The following PPARGC1B variants were observed in gnomAD, a reference collection of about 807,000 sequenced individuals.
The protein encoded by PPARGC1B is PPARG coactivator 1 beta, also known as peroxisome proliferator-activated receptor gamma coactivator 1-beta.
Under a neutral mutation model 101.6 loss-of-function variants are expected in PPARGC1B, and 34 were observed. The ratio of observed to expected loss-of-function variants is 0.33; its 90% CI spans 0.25 to 0.45. The LOEUF is 0.45. PPARGC1B is among the 20% of genes least tolerant of loss of function. The pLI, the probability that PPARGC1B is intolerant of heterozygous loss-of-function variation, is 1.00. For synonymous variants in PPARGC1B, 548 were observed against 539.3 expected, an observed-to-expected ratio of 1.02 and a Z score of -0.22; for missense variants, 1,234 against 1,317.6, an observed-to-expected ratio of 0.94 and a Z score of 0.98.
chr5:149,743,946 G>A (rs1316430315), intron 1 of PPARGC1B, among the ~76,000 whole-genome samples: 1 of 152,206 alleles, frequency 6.6e-6, no homozygotes, highest in Non-Finnish European at 1.5e-5. Flanking sequence ...TATCTGCAGG[G>A]AGGTGTCTGG....
At chr5:149,766,599 A>AAT (rs1561511803) in intron 1 of PPARGC1B, among the ~76,000 whole-genome samples, 1 of 152,152 alleles carries the variant, frequency 6.6e-6, no homozygotes, top group South Asian at 2.1e-4. Flanking sequence ...TCTCAACCAA[A>AAT]ATATCTGTCC....
At position 149,802,431 on chromosome 5, in the gene PPARGC1B, C is replaced by T. The variant is rs562217801; in HGVS notation, c.79-18002C>T. Among the ~76,000 whole-genome samples, 143 of 152,108 alleles carry T rather than the reference C, an allele frequency of 9.4e-4. 1 individual carries two copies. Among genetic ancestry groups the T allele is most frequent in the Admixed American group, 5.9e-4 (9 of 15,282 alleles). ...TTTCTTCTTGACTTCCTCTCCTCTC[C>T]TCCTTTCCCTCTGCTCCCACCCTGT... On this transcript the variant is annotated intron_variant, in intron 1 of 11. Transcript: ENST00000309241.
intron 1 of PPARGC1B, chr5:149,772,060 G>T (rs756369396): frequency 2.2e-4 from 336 of 1,554,896 alleles, no homozygotes; most frequent in Admixed American, 5.1e-4. Context: ...CTGTGCACAG[G>T]TGGGGACCTC....
chr5:149,792,160 AG>A (rs1442835567), intron 1 of PPARGC1B, among the ~76,000 whole-genome samples: 2 of 152,182 alleles, frequency 1.3e-5, no homozygotes, highest in Admixed American at 6.5e-5. Context: ...GGGACTGGTC[AG>A]GATGTTTGGA....
Position 149,854,720 on chromosome 5 carries a change from TGTCTTA to T in PPARGC1B, c.*7163_*7168del, listed in dbSNP as rs1335724275. On this transcript the variant is annotated 3_prime_UTR_variant, in exon 12 of 12. Transcript: ENST00000309241. ...TATTTTATTTCTGGTGTGATTTCTC[TGTCTTA>T]CCTTCTAAATGAGAAAATGTTTTCT... 1 of 152,222 alleles carries T rather than the reference TGTCTTA, an allele frequency of 6.6e-6. No individual in the cohort carries two copies. The highest frequency in any genetic ancestry group is 2.4e-5 in the African/African-American group (1 of 41,460). The allele number at this position is 152,222 out of a possible 1,614,324, so 9.4% of individuals were successfully genotyped here.
intron 1 of PPARGC1B, among the ~76,000 whole-genome samples, chr5:149,759,124 T>A (rs1480805608): frequency 1.3e-5 from 2 of 152,222 alleles, no homozygotes; most frequent in African/African-American, 4.8e-5. Context: ...TCTTTATGAC[T>A]TTTTCATTTA....
chr5:149,828,911 T>G, intron 3 of PPARGC1B, among the ~76,000 whole-genome samples: 1 of 149,952 alleles, frequency 6.7e-6, no homozygotes. Flanking sequence ...ATTAGCCCGG[T>G]ATGGTGGCAC....
intron 2 of PPARGC1B, among the ~76,000 whole-genome samples, chr5:149,824,143 G>A (rs374235308): frequency 4.6e-5 from 7 of 152,326 alleles, no homozygotes; most frequent in Admixed American, 2.6e-4. Context: ...TAGCGTGTGC[G>A]CCACGCATTT....
chr5:149,758,932 A>G (rs770294202), intron 1 of PPARGC1B, among the ~76,000 whole-genome samples: 3 of 152,218 alleles, frequency 2.0e-5, no homozygotes, highest in Non-Finnish European at 4.4e-5. Context: ...TTTTTTAACT[A>G]TAAAATGAAA....
chr5:149,795,687 G>A (rs539870757), intron 1 of PPARGC1B, among the ~76,000 whole-genome samples: 4 of 152,304 alleles, frequency 2.6e-5, no homozygotes, highest in Admixed American at 2.6e-4. Context: ...TGAGGTCACA[G>A]CATCTTGAGG....
At chr5:149,818,993 C>T (rs751834821) in intron 1 of PPARGC1B, 2 of 406,760 alleles carry the variant, frequency 4.9e-6, no homozygotes, top group Admixed American at 2.7e-5. Context: ...CTGTGTCAGC[C>T]CCCCAACTCA....
At chr5:149,782,528 G>T (rs1391155598) in intron 1 of PPARGC1B, among the ~76,000 whole-genome samples, 1 of 152,184 alleles carries the variant, frequency 6.6e-6, no homozygotes, top group Non-Finnish European at 1.5e-5. Context: ...ACGGCTGACA[G>T]ATCCCCAGAT....
At chr5:149,768,916 A>G (rs1756020873) in intron 1 of PPARGC1B, among the ~76,000 whole-genome samples, 1 of 152,116 alleles carries the variant, frequency 6.6e-6, no homozygotes, top group Non-Finnish European at 1.5e-5. Context: ...CAGCCTCCCA[A>G]AGTGCTGGGA....
In PPARGC1B at chr5:149,835,352, C is replaced by T; in HGVS notation, c.1794C>T (p.Leu598=). The T allele has an allele frequency of 3.7e-6, 6 of 1,614,176 alleles. No individual in the cohort carries two copies. The highest frequency in any genetic ancestry group is 5.1e-6 in the Non-Finnish European group (6 of 1,180,004). Residue 598 remains leucine (L), a synonymous_variant, in exon 7 of 12, where the codon CTC becomes CTT. Coordinates refer to ENST00000309241, the MANE Select transcript of PPARGC1B (RefSeq NM_133263.4). ...KSFEQTLTVE[L]CGTAGLTPPT... Reference sequence around the variant, plus strand: ...TTGAGCAGACCTTGACAGTGGAGCTCTGTGGCACAGCAGGTGAGCCAGGGG... The same window carrying T: ...TTGAGCAGACCTTGACAGTGGAGCTTTGTGGCACAGCAGGTGAGCCAGGGG...
chr5:149,784,097 T>C (rs1756696064), intron 1 of PPARGC1B, among the ~76,000 whole-genome samples: 2 of 151,976 alleles, frequency 1.3e-5, no homozygotes, highest in Admixed American at 1.3e-4. Context: ...GAGGTCTTTA[T>C]TGCATCACCC....
At chr5:149,840,415 T>C (rs1192049054) in intron 9 of PPARGC1B, among the ~76,000 whole-genome samples, 3 of 151,972 alleles carry the variant, frequency 2.0e-5, no homozygotes, top group Non-Finnish European at 2.9e-5. Context: ...GAGAGCCAAG[T>C]GGGCGGGCTG....
At chr5:149,783,828 A>G (rs1756685596) in intron 1 of PPARGC1B, among the ~76,000 whole-genome samples, 1 of 152,172 alleles carries the variant, frequency 6.6e-6, no homozygotes, top group Non-Finnish European at 1.5e-5. Flanking sequence ...TGTGTGAGGC[A>G]TTATATAAAC....
At chr5:149,788,685 G>A (rs1340782497) in intron 1 of PPARGC1B, among the ~76,000 whole-genome samples, 6 of 152,120 alleles carry the variant, frequency 3.9e-5, no homozygotes, top group Non-Finnish European at 5.9e-5. Flanking sequence ...CCACATGTCC[G>A]TCAATAATAG....
At chr5:149,755,069 A>ATATATATATATATATATATATATATATG (rs1755466798) in intron 1 of PPARGC1B, among the ~76,000 whole-genome samples, 1 of 143,756 alleles carries the variant, frequency 7.0e-6, no homozygotes, top group African/African-American at 2.6e-5. Flanking sequence ...ATATATATAT[A>ATATATATATATATATATATATATATATG]TATAATTTTT....
Sources: allele counts gnomAD v4.1 joint callset (sites outside exome capture counted in the v4.1 genomes callset), GRCh38; gene constraint gnomAD v4.1.1; transcripts MANE v1.5; gene names NCBI Gene and HGNC (gene_info 2026-07-23, HGNC 2026-07-21).